Variants in MARK1 observed in about 807,000 individuals in gnomAD.
MARK1 encodes the protein serine/threonine-protein kinase MARK1.
A neutral mutation model predicts 96.3 loss-of-function variants in MARK1; 40 were observed. The observed-to-expected ratio is 0.42, with a 90% CI of 0.32 to 0.54. The LOEUF is 0.54. MARK1 is among the 20% of genes least tolerant of loss of function. The pLI, the probability that MARK1 is intolerant of heterozygous loss-of-function variation, is 0.16. For missense variants in MARK1, 719 were observed against 984.6 expected, an observed-to-expected ratio of 0.73 and a Z score of 3.61; for synonymous variants, 317 against 341.2, an observed-to-expected ratio of 0.93 and a Z score of 0.78.
Position 220,650,616 on chromosome 1 carries a change from G to A in MARK1, c.1471-4G>A, listed in dbSNP as rs760464419. On this transcript the variant is annotated splice_polypyrimidine_tract_variant and splice_region_variant and intron_variant, in intron 13 of 17. Transcript: ENST00000366917. ...TTTTAATTGCCTTTTTTTTATTCTT[G>A]AAGAACAATGTGTATTCTGGAGGTA... 5.8e-6 allele frequency: 9 copies of A among 1,561,236 alleles called. No homozygotes were observed. The highest frequency in any genetic ancestry group is 7.9e-6 in the Non-Finnish European group (9 of 1,141,796).
intron 13 of MARK1, among the ~76,000 whole-genome samples, chr1:220,641,696 T>A (rs1055570406): frequency 3.4e-4 from 51 of 150,716 alleles, no homozygotes; most frequent in African/African-American, 1.2e-3. Context: ...GAGTGATTTC[T>A]GCCCTTCCAA....
chr1:220,644,993 A>G (rs1162877039), intron 13 of MARK1, among the ~76,000 whole-genome samples: 1 of 152,140 alleles, frequency 6.6e-6, no homozygotes, highest in East Asian at 1.9e-4. Context: ...TCAAATCAAC[A>G]CCCTAACATC....
chr1:220,611,528 C>T (rs991464801), intron 6 of MARK1, among the ~76,000 whole-genome samples: 1 of 152,126 alleles, frequency 6.6e-6, no homozygotes, highest in African/African-American at 2.4e-5. Context: ...CCTCGTGCCT[C>T]CCTGCCCTGC....
At chr1:220,573,583 G>A (rs949442076) in intron 1 of MARK1, among the ~76,000 whole-genome samples, 14 of 151,990 alleles carry the variant, frequency 9.2e-5, no homozygotes, top group Admixed American at 7.2e-4. Flanking sequence ...TCAGCCTCCC[G>A]AAGTGCTGGG....
chr1:220,536,861 G>A (rs1004648882), intron 1 of MARK1, among the ~76,000 whole-genome samples: 2 of 152,154 alleles, frequency 1.3e-5, no homozygotes, highest in Admixed American at 6.6e-5. Context: ...GATTACAGGC[G>A]TGAGCCACTG....
chr1:220,626,379 G>C (rs1667335588), intron 9 of MARK1: 1 of 549,404 alleles, frequency 1.8e-6, no homozygotes, highest in Non-Finnish European at 3.7e-6. Flanking sequence ...AGGATATTGG[G>C]GCTGGCAAAG....
intron 3 of MARK1, among the ~76,000 whole-genome samples, chr1:220,588,206 C>A (rs1450481130): frequency 6.6e-6 from 1 of 152,174 alleles, no homozygotes; most frequent in East Asian, 1.9e-4. Context: ...TATTTAACTT[C>A]ATATCTCCAA....
At position 220,635,342 on chromosome 1, in the gene MARK1, T is replaced by TGC. The variant is rs371300453; in HGVS notation, c.1123-33_1123-32dup. 934 of 1,443,008 alleles carry TGC rather than the reference T, an allele frequency of 6.5e-4. 1 individual carries two copies. The highest frequency in any genetic ancestry group is 1.1e-3 in the Admixed American group (42 of 38,148). 89.4% of individuals were successfully genotyped at this position (1,443,008 alleles called of 1,614,324 possible). A position where few individuals can be genotyped will look rare whatever the true frequency, so the allele number is the denominator to read the frequency against. ...GTGCAAACTTTTTTTTTTTTTTTTT[T>TGC]GCTTTAAAATCCCTGTGGTTTTTCT... On this transcript the variant is annotated intron_variant, in intron 11 of 17. Transcript: ENST00000366917.
chr1:220,561,036 G>A (rs1007773742), intron 1 of MARK1, among the ~76,000 whole-genome samples: 2 of 152,128 alleles, frequency 1.3e-5, no homozygotes, highest in African/African-American at 4.8e-5. Flanking sequence ...ATGGAAGAGA[G>A]TGTGGAAAGC....
chr1:220,625,676 C>T (rs562589198), intron 9 of MARK1: 2 of 323,326 alleles, frequency 6.2e-6, no homozygotes, highest in African/African-American at 2.2e-5. Context: ...TCTTCACTTA[C>T]CATTCCCATA....
intron 3 of MARK1, among the ~76,000 whole-genome samples, chr1:220,585,072 A>G (rs1664508825): frequency 6.6e-6 from 1 of 152,200 alleles, no homozygotes; most frequent in African/African-American, 2.4e-5. Flanking sequence ...TGCATAAGTT[A>G]TCTTTTAACC....
chr1:220,656,014 G>T (rs930051554), intron 16 of MARK1, among the ~76,000 whole-genome samples: 13 of 152,158 alleles, frequency 8.5e-5, no homozygotes, highest in Admixed American at 2.0e-4. Flanking sequence ...TACCTGCATG[G>T]CTCACTTCTA....
intron 11 of MARK1, 42 bp from the exon 12 acceptor site, chr1:220,635,334 T>C (rs754460067): frequency 1.3e-6 from 2 of 1,505,338 alleles, no homozygotes; most frequent in Admixed American, 2.4e-5. Flanking sequence ...CTTTTTTTTT[T>C]TTTTTTTTGC....
chr1:220,622,827 G>C (rs550307071), intron 9 of MARK1, among the ~76,000 whole-genome samples: 2 of 152,158 alleles, frequency 1.3e-5, no homozygotes, highest in Non-Finnish European at 2.9e-5. Flanking sequence ...TGAGGATGCT[G>C]TAAGCCATGA....
At chr1:220,620,809 A>G (rs999527789) in intron 9 of MARK1, among the ~76,000 whole-genome samples, 1 of 152,058 alleles carries the variant, frequency 6.6e-6, no homozygotes, top group African/African-American at 2.4e-5. Flanking sequence ...ACGAGTCCCC[A>G]CTGGAAATAT....
At chr1:220,609,214 C>G (rs1196994764) in intron 6 of MARK1, among the ~76,000 whole-genome samples, 2 of 152,136 alleles carry the variant, frequency 1.3e-5, no homozygotes, top group Admixed American at 6.5e-5. Context: ...TCTGTAAGGA[C>G]TTGCTTTATG....
At chr1:220,655,715 C>A (rs1252269806) in intron 16 of MARK1, among the ~76,000 whole-genome samples, 1 of 152,124 alleles carries the variant, frequency 6.6e-6, no homozygotes, top group Non-Finnish European at 1.5e-5. Context: ...CTGTCCTTGT[C>A]CTCCTCTTCT....
chr1:220,568,713 T>C (rs1434868614), intron 1 of MARK1, among the ~76,000 whole-genome samples: 1 of 152,164 alleles, frequency 6.6e-6, no homozygotes, highest in East Asian at 1.9e-4. Flanking sequence ...CTTCTGGAGA[T>C]AGTCTGTGCT....
chr1:220,565,293 G>A (rs1662967738), intron 1 of MARK1, among the ~76,000 whole-genome samples: 1 of 152,198 alleles, frequency 6.6e-6, no homozygotes, highest in South Asian at 2.1e-4. Context: ...GCCTGTGGGT[G>A]TCTTTCATCA....
Sources: allele counts gnomAD v4.1 joint callset (sites outside exome capture counted in the v4.1 genomes callset), GRCh38; gene constraint gnomAD v4.1.1; transcripts MANE v1.5; gene names NCBI Gene and HGNC (gene_info 2026-07-23, HGNC 2026-07-21).